DLGAP2: variants seen among roughly 807,000 people sequenced by gnomAD.
DLGAP2 encodes DLG associated protein 2, also known as disks large-associated protein 2.
Under a neutral mutation model 100.3 loss-of-function variants are expected in DLGAP2, and 26 were observed. The ratio of observed to expected loss-of-function variants is 0.26; its 90% CI spans 0.19 to 0.36. The LOEUF (loss-of-function observed/expected upper bound fraction) is 0.36. DLGAP2 is among the 10% of genes least tolerant of loss of function. DLGAP2 has a pLI of 1.00. For synonymous variants in DLGAP2, 886 were observed against 630.1 expected (o/e 1.41, Z -6.08); for missense variants, 1,858 against 1,453.2 (o/e 1.28, Z -4.53).
At chr8:1,494,756 C>T (rs73536570) in intron 3 of DLGAP2, among the ~76,000 whole-genome samples, 3 of 151,854 alleles carry the variant, frequency 2.0e-5, no homozygotes, top group Non-Finnish European at 2.9e-5. Context: ...AGAAAAGAAA[C>T]GAGGTGCCAC....
chr8:1,072,834 T>G (rs920342499), intron 2 of DLGAP2, among the ~76,000 whole-genome samples: 2 of 152,210 alleles, frequency 1.3e-5, no homozygotes, highest in African/African-American at 4.8e-5. Context: ...GTTGTGGGGC[T>G]CCACTGCCGG....
intron 6 of DLGAP2, among the ~76,000 whole-genome samples, chr8:1,576,754 T>C (rs891383170): frequency 1.3e-5 from 2 of 152,206 alleles, no homozygotes; most frequent in Non-Finnish European, 2.9e-5. Context: ...TTGTCAGGTT[T>C]GTCAAAGATA....
intron 2 of DLGAP2, among the ~76,000 whole-genome samples, chr8:1,239,619 C>G (rs1798739809): frequency 3.0e-5 from 2 of 66,598 alleles, no homozygotes; most frequent in African/African-American, 7.8e-5. Flanking sequence ...GTCTAGTTCT[C>G]TCACATGGCG....
At chr8:790,214 A>T (rs1821991069) in intron 1 of DLGAP2, among the ~76,000 whole-genome samples, 1 of 152,132 alleles carries the variant, frequency 6.6e-6, no homozygotes, top group Non-Finnish European at 1.5e-5. Context: ...AAAGGGGTAA[A>T]GGAGGCTTGA....
chr8:1,433,091 C>A (rs903973126), intron 3 of DLGAP2, among the ~76,000 whole-genome samples: 1 of 152,206 alleles, frequency 6.6e-6, no homozygotes, highest in Non-Finnish European at 1.5e-5. Context: ...GACTCCCTTG[C>A]CGAGCCACAC....
chr8:1,197,223 G>A (rs1427456765), intron 2 of DLGAP2, among the ~76,000 whole-genome samples: 1 of 152,098 alleles, frequency 6.6e-6, no homozygotes, highest in African/African-American at 2.4e-5. Flanking sequence ...GTCCACTTCA[G>A]GTCTCTTCTG....
At chr8:1,195,140 G>A (rs1396366171) in intron 2 of DLGAP2, among the ~76,000 whole-genome samples, 2 of 152,360 alleles carry the variant, frequency 1.3e-5, no homozygotes, top group Admixed American at 6.5e-5. Context: ...GCCCCTGGTC[G>A]CAAAGGCGTC....
intron 3 of DLGAP2, among the ~76,000 whole-genome samples, chr8:1,293,698 C>T (rs1366210349): frequency 6.6e-5 from 10 of 152,202 alleles, no homozygotes. Flanking sequence ...AGTGCCCAGC[C>T]TGAGCCCTTC....
chr8:1,205,956 C>T (rs960790641), intron 2 of DLGAP2, among the ~76,000 whole-genome samples: 6 of 152,156 alleles, frequency 3.9e-5, no homozygotes, highest in Non-Finnish European at 8.8e-5. Flanking sequence ...AGAGTGACTA[C>T]AGCCTGGGCA....
At chr8:1,675,073 G>A (rs1487066675) in intron 10 of DLGAP2, among the ~76,000 whole-genome samples, 1 of 152,194 alleles carries the variant, frequency 6.6e-6, no homozygotes, top group Non-Finnish European at 1.5e-5. Context: ...GTCTCACCCA[G>A]CTATCAGAAC....
chr8:756,181 G>A (rs944763600), intron 1 of DLGAP2, among the ~76,000 whole-genome samples: 1 of 152,098 alleles, frequency 6.6e-6, no homozygotes, highest in Non-Finnish European at 1.5e-5. Flanking sequence ...TTGGGGCCAC[G>A]AGTGTCTGGG....
At chr8:777,789 T>C (rs1442535629) in intron 1 of DLGAP2, among the ~76,000 whole-genome samples, 1 of 152,198 alleles carries the variant, frequency 6.6e-6, no homozygotes, top group South Asian at 2.1e-4. Context: ...TAACATTTTT[T>C]CCTTCGTTTT....
chr8:1,340,577 A>T (rs1404594117), intron 3 of DLGAP2, among the ~76,000 whole-genome samples: 2 of 152,210 alleles, frequency 1.3e-5, no homozygotes, highest in African/African-American at 4.8e-5. Context: ...GTGAAAACAT[A>T]ACAGATGCTG....
chr8:1,267,568 T>TAATAATAAA, intron 3 of DLGAP2, among the ~76,000 whole-genome samples: 1 of 48,222 alleles, frequency 2.1e-5, no homozygotes, highest in Middle Eastern at 9.6e-3. Context: ...CAAAATAAAA[T>TAATAATAAA]AAAATAAAAT....
At chr8:1,050,777 G>T (rs926092293) in intron 2 of DLGAP2, among the ~76,000 whole-genome samples, 11 of 152,202 alleles carry the variant, frequency 7.2e-5, no homozygotes, top group African/African-American at 2.7e-4. Context: ...TTGAAGGGCA[G>T]ATTCTCAGAA....
intron 3 of DLGAP2, among the ~76,000 whole-genome samples, chr8:1,275,419 A>T (rs1025138032): frequency 6.6e-6 from 1 of 151,174 alleles, no homozygotes; most frequent in African/African-American, 2.4e-5. Context: ...GCTCACATAC[A>T]TCACATTTAC....
chr8:1,225,275 A>C (rs181783994), intron 2 of DLGAP2, among the ~76,000 whole-genome samples: 17 of 152,362 alleles, frequency 1.1e-4, no homozygotes, highest in African/African-American at 3.4e-4. Flanking sequence ...GGTAGATGTT[A>C]CAGCGGAGGA....
chr8:1,193,781 C>T (rs1466902473), intron 2 of DLGAP2, among the ~76,000 whole-genome samples: 3 of 151,912 alleles, frequency 2.0e-5, no homozygotes, highest in Admixed American at 1.3e-4. Context: ...GCCTCTAGAG[C>T]CTCCGCACCA....
chr8:1,321,809 G>A (rs1800907962), intron 3 of DLGAP2, among the ~76,000 whole-genome samples: 1 of 152,314 alleles, frequency 6.6e-6, no homozygotes, highest in East Asian at 1.9e-4. Context: ...GGCAAAGAAT[G>A]TGCTTGGTGA....
Sources: allele counts gnomAD v4.1 joint callset (sites outside exome capture counted in the v4.1 genomes callset), GRCh38; gene constraint gnomAD v4.1.1; transcripts MANE v1.5; gene names NCBI Gene and HGNC (gene_info 2026-07-23, HGNC 2026-07-21).